The following ZEB1 variants were observed in gnomAD, a reference collection of about 807,000 sequenced individuals.
ZEB1 encodes the protein zinc finger E-box binding homeobox 1.
ZEB1 carries 21 observed loss-of-function variants against 84.9 expected under a neutral mutation model. The observed-to-expected ratio is 0.25, with a 90% CI of 0.18 to 0.36. ZEB1 has a LOEUF of 0.36. ZEB1 is among the 10% of genes least tolerant of loss of function. The probability of loss-of-function intolerance (pLI) is 1.00; values close to 1 mark genes in which losing one functional copy is unlikely to be tolerated. For synonymous variants in ZEB1, 420 were observed against 471.1 expected (o/e 0.89, Z 1.41); for missense variants, 1,104 against 1,330.2 (o/e 0.83, Z 2.65).
intron 1 of ZEB1, among the ~76,000 whole-genome samples, chr10:31,441,577 A>G (rs936504416): frequency 2.0e-5 from 3 of 152,190 alleles, no homozygotes; most frequent in Non-Finnish European, 4.4e-5. Context: ...TAAACTAAAG[A>G]GCTTCTGCAC....
At chr10:31,471,473 C>T (rs904620878) in intron 2 of ZEB1, among the ~76,000 whole-genome samples, 6 of 151,472 alleles carry the variant, frequency 4.0e-5, no homozygotes, top group Admixed American at 1.3e-4. Flanking sequence ...AAGGCCATTA[C>T]ATAATGGTAA....
intron 1 of ZEB1, among the ~76,000 whole-genome samples, chr10:31,344,747 C>T (rs1344536134): frequency 2.0e-5 from 3 of 151,926 alleles, no homozygotes; most frequent in Non-Finnish European, 2.9e-5. Context: ...TTTTAGACTC[C>T]GATTGTGGGA....
rs1267155259 is a variant in ZEB1 at position 31,520,916 on chromosome 10, T to C, written c.1584T>C (p.Asn528=). ...ACAAAAGCTTTGAAGGGGGGGTGAA[T>C]GATAGCACTTGTCTTCTGTGTGATG... The part of the protein sequence containing the change: ...EKDKSFEGGV[N]DSTCLLCDDC... The change falls in exon 7 of 9, where the codon AAT becomes AAC. Residue 528 remains asparagine, a synonymous_variant. Coordinates refer to ENST00000424869, the MANE Select transcript of ZEB1 (RefSeq NM_001174096.2). The surrounding 1 kb of genome is among the most constrained non-coding windows in gnomAD (Gnocchi z 5.1). 1 of 1,614,050 alleles carries C rather than the reference T, an allele frequency of 6.2e-7. No homozygotes were observed. Among genetic ancestry groups the C allele is most frequent in the Non-Finnish European group, 8.5e-7 (1 of 1,179,984 alleles).
At chr10:31,396,408 CT>C (rs1372073584) in intron 1 of ZEB1, among the ~76,000 whole-genome samples, 1 of 152,088 alleles carries the variant, frequency 6.6e-6, no homozygotes, top group Non-Finnish European at 1.5e-5. Context: ...GGAAAATAAA[CT>C]ATTGGCTACA....
At chr10:31,342,245 T>G (rs1420950693) in intron 1 of ZEB1, among the ~76,000 whole-genome samples, 1 of 152,104 alleles carries the variant, frequency 6.6e-6, no homozygotes, top group Non-Finnish European at 1.5e-5. Flanking sequence ...ATTTTACAGA[T>G]ATGGAAACCG....
At chr10:31,408,870 G>C (rs1272085128) in intron 1 of ZEB1, among the ~76,000 whole-genome samples, 3 of 150,540 alleles carry the variant, frequency 2.0e-5, no homozygotes, top group East Asian at 3.9e-4. Context: ...AAAAGCAATG[G>C]CAACAAAAGC....
chr10:31,388,041 T>C (rs1327814149), intron 1 of ZEB1, among the ~76,000 whole-genome samples: 2 of 152,144 alleles, frequency 1.3e-5, no homozygotes, highest in African/African-American at 4.8e-5. Flanking sequence ...ATATAATCTA[T>C]AGATGTCTCT....
intron 1 of ZEB1, among the ~76,000 whole-genome samples, chr10:31,435,314 T>C (rs779182675): frequency 2.0e-5 from 3 of 152,208 alleles, no homozygotes; most frequent in Admixed American, 1.3e-4. Flanking sequence ...TTGATTTTAG[T>C]CCAGTGAGAC....
In ZEB1 at chr10:31,371,099, T is replaced by A. The variant is rs1028534357; in HGVS notation, c.58+51807T>A. Among the ~76,000 whole-genome samples, 8 of 152,222 alleles carry A rather than the reference T, an allele frequency of 5.3e-5. No homozygotes were observed. In the South Asian group the frequency reaches 1.7e-3, roughly 31 times the overall value. On this transcript the variant is annotated intron_variant, in intron 1 of 8. Coordinates refer to ENST00000424869, the MANE Select transcript of ZEB1 (RefSeq NM_001174096.2). ...CACAAGTCACTTCATGATCATCGTC[T>A]GCTGGAACATGAAACCAGCTTTCTT...
Position 31,521,771 on chromosome 10 carries a change from C to G in ZEB1, c.2439C>G (p.Pro813=). ...TACCTACAGTCACTGCCCAGTTACC[C>G]ACAATCGTGGCCATTGCTGACCAGA... ...IAIPTVTAQL[P]TIVAIADQNS... Residue 813 remains proline (P), a synonymous_variant, in exon 7 of 9, where the codon CCC becomes CCG. Coordinates refer to ENST00000424869, the MANE Select transcript of ZEB1 (RefSeq NM_001174096.2). 1 of 1,614,070 alleles carries G rather than the reference C, an allele frequency of 6.2e-7. No homozygotes were observed.
At chr10:31,371,056 T>C (rs2045611881) in intron 1 of ZEB1, among the ~76,000 whole-genome samples, 1 of 152,122 alleles carries the variant, frequency 6.6e-6, no homozygotes, top group African/African-American at 2.4e-5. Context: ...GTAGAATATA[T>C]TTAAGATTAT....
chr10:31,363,690 G>A (rs1235751872), intron 1 of ZEB1: 8 of 1,260,908 alleles, frequency 6.3e-6, no homozygotes, highest in African/African-American at 3.0e-5. Context: ...GGATCCTTAC[G>A]GGGCTGAGGT....
At position 31,502,358 on chromosome 10, in the gene ZEB1, T is replaced by C; in HGVS notation, c.333T>C (p.Asp111=). The C allele has an allele frequency of 1.2e-6, 2 of 1,613,758 alleles. No individual in the cohort carries two copies. Among genetic ancestry groups the C allele is most frequent in the Non-Finnish European group, 1.7e-6 (2 of 1,179,758 alleles). The part of the protein sequence containing the change: ...ADEAGCTVKD[D]ECESDAENEQ... Reference sequence around the variant, plus strand: ...ATGCATTTTTTTTAGTAAAAGATGATGAATGCGAGTCAGATGCAGAAAATG... The same window carrying C: ...ATGCATTTTTTTTAGTAAAAGATGACGAATGCGAGTCAGATGCAGAAAATG... Residue 111 remains aspartate, a synonymous_variant, in exon 4 of 9, where the codon GAT becomes GAC. Coordinates refer to ENST00000424869, the MANE Select transcript of ZEB1 (RefSeq NM_001174096.2).
intron 3 of ZEB1, among the ~76,000 whole-genome samples, chr10:31,497,974 T>TAGA (rs58934894): frequency 2.3e-4 from 35 of 150,936 alleles, no homozygotes; most frequent in African/African-American, 8.6e-4. Context: ...GATAGATAGA[T>TAGA]TTAAAAATAT....
At chr10:31,319,550 T>G in intron 1 of ZEB1, 29 of 502,660 alleles carry the variant, frequency 5.8e-5, no homozygotes, top group African/African-American at 2.8e-4. Flanking sequence ...CCGCCGCCCC[T>G]GCCGCCTCCC....
chr10:31,429,758 T>C (rs1445123880), intron 1 of ZEB1, among the ~76,000 whole-genome samples: 1 of 147,446 alleles, frequency 6.8e-6, no homozygotes, highest in African/African-American at 2.5e-5. Flanking sequence ...TTTTTTTTTT[T>C]TTGAGACGAA....
chr10:31,441,557 G>A (rs1350706296), intron 1 of ZEB1, among the ~76,000 whole-genome samples: 1 of 152,140 alleles, frequency 6.6e-6, no homozygotes, highest in Non-Finnish European at 1.5e-5. Context: ...ATTGACAAAT[G>A]GGATCTAATT....
intron 2 of ZEB1, among the ~76,000 whole-genome samples, chr10:31,464,591 T>C (rs114177591): frequency 0.016 from 2,457 of 152,222 alleles, 51 homozygotes; most frequent in African/African-American, 0.055. Context: ...AGATCTTCAC[T>C]AAGGCACATT....
chr10:31,342,940 A>C (rs1351322220), intron 1 of ZEB1, among the ~76,000 whole-genome samples: 1 of 152,128 alleles, frequency 6.6e-6, no homozygotes, highest in African/African-American at 2.4e-5. Context: ...CCTCCTTTTT[A>C]TATAGTAGTA....
Sources: gnomAD v4.1 joint callset for allele counts (sites outside exome capture counted in the v4.1 genomes callset) on GRCh38, gnomAD v4.1.1 for gene constraint, Gnocchi (gnomAD v3.1) non-coding constraint, MANE v1.5 for transcripts, NCBI Gene and HGNC (gene_info 2026-07-23, HGNC 2026-07-21) for gene names.